The following DLGAP1 variants were observed in gnomAD, a reference collection of about 807,000 sequenced individuals.
The protein encoded by DLGAP1 is DLG associated protein 1.
Under a neutral mutation model 90.8 loss-of-function variants are expected in DLGAP1, and 11 were observed. The ratio of observed to expected loss-of-function variants is 0.12; its 90% CI spans 0.08 to 0.20. DLGAP1 has a LOEUF of 0.20. Among genes scored for constraint, DLGAP1 ranks in the 10% least tolerant of loss-of-function variants. The probability of loss-of-function intolerance (pLI) is 1.00; values close to 1 mark genes in which losing one functional copy is unlikely to be tolerated. For missense variants in DLGAP1, 1,050 were observed against 1,333.8 expected, an observed-to-expected ratio of 0.79 and a Z score of 3.31; for synonymous variants, 558 against 540.7, an observed-to-expected ratio of 1.03 and a Z score of -0.44.
At chr18:3,835,175 T>C (rs994794418) in intron 4 of DLGAP1, among the ~76,000 whole-genome samples, 7 of 152,196 alleles carry the variant, frequency 4.6e-5, no homozygotes, top group African/African-American at 1.7e-4. Flanking sequence ...AATTTTCCCA[T>C]TGGGTTTAGA....
intron 2 of DLGAP1, among the ~76,000 whole-genome samples, chr18:4,136,838 C>A (rs2076409171): frequency 6.6e-6 from 1 of 152,080 alleles, no homozygotes; most frequent in Non-Finnish European, 1.5e-5. Flanking sequence ...GAGAGTTTCC[C>A]CAAGCTTTTC....
intron 1 of DLGAP1, among the ~76,000 whole-genome samples, chr18:4,222,347 T>C (rs2078094290): frequency 6.6e-6 from 1 of 152,134 alleles, no homozygotes; most frequent in African/African-American, 2.4e-5. Flanking sequence ...TCTCATAAAC[T>C]CCATGAGGCA....
At chr18:3,871,074 T>C (rs2070723058) in intron 4 of DLGAP1, among the ~76,000 whole-genome samples, 2 of 152,204 alleles carry the variant, frequency 1.3e-5, no homozygotes, top group Non-Finnish European at 2.9e-5. Context: ...TAAAAGGATG[T>C]TATGAGAATG....
chr18:4,302,454 C>T (rs1287632140), intron 1 of DLGAP1, among the ~76,000 whole-genome samples: 1 of 152,074 alleles, frequency 6.6e-6, no homozygotes, highest in South Asian at 2.1e-4. Flanking sequence ...AATGTACATA[C>T]GTGAGCTTTT....
intron 5 of DLGAP1, among the ~76,000 whole-genome samples, chr18:3,754,604 G>T (rs1398501274): frequency 1.3e-5 from 2 of 151,622 alleles, no homozygotes; most frequent in Non-Finnish European, 2.9e-5. Context: ...AAAGAGGGGT[G>T]GGGGGTGGCT....
intron 1 of DLGAP1, among the ~76,000 whole-genome samples, chr18:4,277,742 G>C (rs1285219090): frequency 6.6e-6 from 1 of 152,212 alleles, no homozygotes; most frequent in East Asian, 1.9e-4. Flanking sequence ...AGATACTACT[G>C]TGATAGAACT....
intron 6 of DLGAP1, among the ~76,000 whole-genome samples, chr18:3,740,841 TCAC>T (rs922702798): frequency 7.0e-6 from 1 of 142,452 alleles, no homozygotes; most frequent in Non-Finnish European, 1.5e-5. Context: ...ACCATAATCA[TCAC>T]CACCACCATC....
chr18:4,312,619 A>G (rs1270992120), intron 1 of DLGAP1, among the ~76,000 whole-genome samples: 1 of 152,234 alleles, frequency 6.6e-6, no homozygotes, highest in Admixed American at 6.5e-5. Flanking sequence ...CTGTACTTCA[A>G]TTTGGAAACA....
chr18:3,827,917 T>C (rs1337251924), intron 4 of DLGAP1, among the ~76,000 whole-genome samples: 1 of 152,218 alleles, frequency 6.6e-6, no homozygotes, highest in East Asian at 1.9e-4. Flanking sequence ...AGAGAGACAC[T>C]GTTATTCATC....
intron 4 of DLGAP1, among the ~76,000 whole-genome samples, chr18:3,863,696 C>T (rs2070220768): frequency 6.6e-6 from 1 of 152,238 alleles, no homozygotes; most frequent in East Asian, 1.9e-4. Flanking sequence ...TTCCTCACAA[C>T]AGTGCAGTGC....
At chr18:3,685,550 C>T (rs1014206562) in intron 7 of DLGAP1, among the ~76,000 whole-genome samples, 20 of 112,426 alleles carry the variant, frequency 1.8e-4, no homozygotes, top group African/African-American at 7.6e-4. Context: ...GGCGACAGAG[C>T]GAGATTCCGT....
At chr18:3,594,763 G>C (rs1568264700) in intron 7 of DLGAP1, among the ~76,000 whole-genome samples, 1 of 152,144 alleles carries the variant, frequency 6.6e-6, no homozygotes, top group African/African-American at 2.4e-5. Flanking sequence ...TCACATCCTA[G>C]TCACAGCCAA....
At chr18:3,970,515 A>C (rs759882255) in intron 3 of DLGAP1, among the ~76,000 whole-genome samples, 7 of 152,220 alleles carry the variant, frequency 4.6e-5, no homozygotes, top group Non-Finnish European at 8.8e-5. Flanking sequence ...GCTACAAATT[A>C]CAGCAAATAT....
chr18:4,399,666 G>A (rs1478260937), intron 1 of DLGAP1, among the ~76,000 whole-genome samples: 7 of 152,186 alleles, frequency 4.6e-5, no homozygotes, highest in African/African-American at 1.7e-4. Flanking sequence ...TAATCCCACA[G>A]GATGTGAAGC....
chr18:3,853,715 A>G (rs1239314670), intron 4 of DLGAP1, among the ~76,000 whole-genome samples: 2 of 152,000 alleles, frequency 1.3e-5, no homozygotes, highest in African/African-American at 4.8e-5. Flanking sequence ...GAAATTCAAA[A>G]TGCTCCAATG....
chr18:4,071,620 A>G (rs1183581235), intron 2 of DLGAP1, among the ~76,000 whole-genome samples: 2 of 152,142 alleles, frequency 1.3e-5, no homozygotes, highest in South Asian at 2.1e-4. Flanking sequence ...TAGTCCCATT[A>G]TATTAGTGCT....
intron 5 of DLGAP1, among the ~76,000 whole-genome samples, chr18:3,796,797 G>C (rs2066011092): frequency 6.6e-6 from 1 of 152,200 alleles, no homozygotes; most frequent in Admixed American, 6.5e-5. Flanking sequence ...CACTTAAAAT[G>C]CATTTACTCA....
chr18:4,333,051 C>T (rs1404624201), intron 1 of DLGAP1, among the ~76,000 whole-genome samples: 2 of 151,966 alleles, frequency 1.3e-5, no homozygotes, highest in African/African-American at 4.9e-5. Flanking sequence ...AGGTGCGCTA[C>T]TTGCATCTCT....
chr18:3,637,604 G>A (rs969788071), intron 7 of DLGAP1, among the ~76,000 whole-genome samples: 10 of 150,402 alleles, frequency 6.6e-5, no homozygotes, highest in South Asian at 2.1e-4. Context: ...AAAATTAGCC[G>A]GGCATGGTGG....
Sources: gnomAD v4.1 joint callset for allele counts (sites outside exome capture counted in the v4.1 genomes callset) on GRCh38, gnomAD v4.1.1 for gene constraint, MANE v1.5 for transcripts, NCBI Gene and HGNC (gene_info 2026-07-23, HGNC 2026-07-21) for gene names.